TTC3: variants seen among roughly 807,000 people sequenced by gnomAD.
TTC3 encodes E3 ubiquitin-protein ligase TTC3.
TTC3 carries 180 observed loss-of-function variants against 249.6 expected under a neutral mutation model. That is an observed-to-expected ratio of 0.72 (90% CI 0.64 to 0.82). The LOEUF is 0.82. Ranked by LOEUF, TTC3 falls within the 40% of genes least tolerant of loss-of-function variation. The pLI, the probability that TTC3 is intolerant of heterozygous loss-of-function variation, is 0.00. For missense variants in TTC3, 2,061 were observed against 2,398.4 expected (o/e 0.86, Z 2.94); for synonymous variants, 717 against 805.0 (o/e 0.89, Z 1.85).
At chr21:37,104,590 A>G (rs200210918) in intron 10 of TTC3, among the ~76,000 whole-genome samples, 1 of 48,380 alleles carries the variant, frequency 2.1e-5, no homozygotes, top group East Asian at 5.5e-4. Context: ...CTCCGTCTCA[A>G]AAAAAAAAAA....
chr21:37,172,902 TA>T, intron 35 of TTC3, among the ~76,000 whole-genome samples, 158 bp downstream of exon 35: 2 of 152,348 alleles, frequency 1.3e-5, no homozygotes, highest in South Asian at 4.1e-4. Flanking sequence ...CATGACATAT[TA>T]AAGTGGCTGT....
intron 11 of TTC3, among the ~76,000 whole-genome samples, chr21:37,121,061 G>T (rs542688368): frequency 1.3e-5 from 2 of 152,258 alleles, no homozygotes; most frequent in Admixed American, 1.3e-4. Flanking sequence ...CTAGAAGCAG[G>T]GTTGGTTCAG....
At chr21:37,124,229 C>T (rs1285810545) in intron 13 of TTC3, among the ~76,000 whole-genome samples, 1 of 147,640 alleles carries the variant, frequency 6.8e-6, no homozygotes, top group Non-Finnish European at 1.5e-5. Context: ...AGGTCTCCTG[C>T]CTCAGCCTCC....
At chr21:37,087,115 T>C in intron 1 of TTC3, 132 bp from the exon 2 acceptor site, 1 of 927,278 alleles carries the variant, frequency 1.1e-6, no homozygotes, top group Non-Finnish European at 1.6e-6. Flanking sequence ...CGGAGCTCAG[T>C]GTTCTGATAG....
chr21:37,172,270 G>A (rs918595906), intron 34 of TTC3, among the ~76,000 whole-genome samples: 10 of 151,880 alleles, frequency 6.6e-5, no homozygotes, highest in East Asian at 1.9e-4. Flanking sequence ...ATAAATAATC[G>A]TTGGTGTTAA....
Position 37,170,105 on chromosome 21 carries a change from A to G in TTC3, c.4467+2485A>G, listed in dbSNP as rs1456236407. Among the ~76,000 whole-genome samples the G allele has an allele frequency of 3.9e-5, 6 of 152,372 alleles. No homozygotes were observed. In the East Asian group the frequency reaches 1.2e-3, roughly 29 times the overall value. On this transcript the variant is annotated intron_variant, in intron 34 of 45. Coordinates refer to ENST00000355666, the Ensembl canonical transcript of TTC3. Reference sequence around the variant, plus strand: ...AACAGCATGGGAAAAAAGAATGTTTATATTCATATACACATGCATGTAATG... The same window carrying G: ...AACAGCATGGGAAAAAAGAATGTTTGTATTCATATACACATGCATGTAATG...
intron 32 of TTC3, 124 bp downstream of exon 32, chr21:37,164,339 G>T (rs2081053548): frequency 2.1e-6 from 2 of 945,882 alleles, no homozygotes; most frequent in Non-Finnish European, 2.9e-6. Flanking sequence ...GTTAATTTAG[G>T]ATTTTTTTTT....
In TTC3 at chr21:37,126,772, C is replaced by A. The variant is rs140203815; in HGVS notation, c.1297+629C>A. ...TCGATGTCTGCTGAGGGTCTTCTTC[C>A]CGGTTCATAGATGGCCATCTTTTTG... On this transcript the variant is annotated intron_variant, in intron 15 of 45. Coordinates refer to ENST00000355666, the Ensembl canonical transcript of TTC3. Among the ~76,000 whole-genome samples, 3 of 152,248 alleles carry A rather than the reference C, an allele frequency of 2.0e-5. No individual in the cohort carries two copies. In the South Asian group the frequency reaches 6.2e-4, roughly 32 times the overall value.
chr21:37,095,554 G>T (rs1250051029), intron 9 of TTC3, 110 bp downstream of exon 9: 13 of 749,530 alleles, frequency 1.7e-5, no homozygotes, highest in Non-Finnish European at 2.1e-5. Flanking sequence ...CTTCCAACTT[G>T]TGCAGAATAG....
Position 37,135,610 on chromosome 21 carries a change from C to A in TTC3, c.1578+96C>A. ...GGCTTAACTCATTGTAGTAATGTACCTAAGACCTTGCTGAGATTGGCTGAA... is the reference window on the plus strand; with the variant it reads ...GGCTTAACTCATTGTAGTAATGTACATAAGACCTTGCTGAGATTGGCTGAA... On this transcript the variant is annotated intron_variant, in intron 18 of 45. Coordinates refer to ENST00000355666, the Ensembl canonical transcript of TTC3. 2.8e-6 allele frequency: 4 copies of A among 1,414,908 alleles called. No individual in the cohort carries two copies. In the African/African-American group the frequency reaches 5.8e-5, roughly 20 times the overall value. The allele number at this position is 1,414,908 out of a possible 1,614,324, so 87.6% of individuals were successfully genotyped here. A position where few individuals can be genotyped will look rare whatever the true frequency, so the allele number is the denominator to read the frequency against.
At chr21:37,164,246 T>G in intron 32 of TTC3, 31 bp downstream of exon 32, 2 of 1,525,948 alleles carry the variant, frequency 1.3e-6, no homozygotes, top group Non-Finnish European at 1.8e-6. Context: ...ACAACCATTA[T>G]TTTATACTAA....
chr21:37,120,311 G>A (rs914168253), intron 11 of TTC3, among the ~76,000 whole-genome samples: 1 of 152,140 alleles, frequency 6.6e-6, no homozygotes, highest in Non-Finnish European at 1.5e-5. Context: ...TCAGTAGGGA[G>A]GTCTGAATTA....
At chr21:37,121,892 C>G in exon 12 of TTC3, 1 of 1,613,080 alleles carries the variant, frequency 6.2e-7, no homozygotes, top group Non-Finnish European at 8.5e-7. Flanking sequence ...CATAAAAGCT[C>G]AAAAACTCTG....
At chr21:37,171,397 G>A (rs1248038697) in intron 34 of TTC3, among the ~76,000 whole-genome samples, 1 of 152,206 alleles carries the variant, frequency 6.6e-6, no homozygotes, top group Non-Finnish European at 1.5e-5. Flanking sequence ...GGGACTTTGA[G>A]AAGTTGCATC....
intron 13 of TTC3, 90 bp downstream of exon 13, chr21:37,123,118 C>A: frequency 7.6e-7 from 1 of 1,322,980 alleles, no homozygotes. Flanking sequence ...GCTTTAGGAG[C>A]TAATAGCAAC....
chr21:37,152,902 T>A (rs1266462286), intron 26 of TTC3, 49 bp from the exon 27 acceptor site: 5 of 1,402,824 alleles, frequency 3.6e-6, no homozygotes, highest in Non-Finnish European at 4.8e-6. Context: ...GTTTATGTAA[T>A]TGTGAATTAG....
chr21:37,160,019 G>A (rs968610857), intron 29 of TTC3, among the ~76,000 whole-genome samples: 3 of 152,170 alleles, frequency 2.0e-5, no homozygotes, highest in African/African-American at 7.2e-5. Context: ...ATTAAGAAAG[G>A]AAGAGTTCTT....
chr21:37,190,194 T>A (rs963030149), intron 39 of TTC3, among the ~76,000 whole-genome samples: 1 of 134,054 alleles, frequency 7.5e-6, no homozygotes, highest in African/African-American at 2.8e-5. Context: ...CAGGCTGGAG[T>A]GCAGTGGCGT....
intron 39 of TTC3, among the ~76,000 whole-genome samples, chr21:37,189,794 C>T (rs2083787330): frequency 6.6e-6 from 1 of 152,114 alleles, no homozygotes; most frequent in African/African-American, 2.4e-5. Context: ...GATCCACCCA[C>T]CTTGGCCTCC....
Sources: gnomAD v4.1 joint callset for allele counts (sites outside exome capture counted in the v4.1 genomes callset) on GRCh38, gnomAD v4.1.1 for gene constraint, MANE v1.5 for transcripts, NCBI Gene and HGNC (gene_info 2026-07-23, HGNC 2026-07-21) for gene names.